The following SLC2A13 variants were observed in gnomAD, a reference collection of about 807,000 sequenced individuals.
SLC2A13 encodes proton myo-inositol cotransporter.
SLC2A13 carries 32 observed loss-of-function variants against 64.4 expected under a neutral mutation model. That is an observed-to-expected ratio of 0.50 (90% CI 0.37 to 0.67). The LOEUF is 0.67. Among genes scored for constraint, SLC2A13 ranks in the 30% least tolerant of loss-of-function variants. The pLI is 0.00. For synonymous variants in SLC2A13, 338 were observed against 327.1 expected (o/e 1.03, Z -0.36); for missense variants, 743 against 829.2 (o/e 0.90, Z 1.28).
At chr12:40,031,275 T>A (rs113776653) in intron 2 of SLC2A13, among the ~76,000 whole-genome samples, 6 of 152,020 alleles carry the variant, frequency 3.9e-5, no homozygotes, top group Non-Finnish European at 7.3e-5. Flanking sequence ...CAGGCCGGAG[T>A]GTAGTGGCGC....
intron 1 of SLC2A13, among the ~76,000 whole-genome samples, chr12:40,084,525 T>C (rs1400669384): frequency 1.3e-5 from 2 of 152,234 alleles, no homozygotes; most frequent in Admixed American, 6.5e-5. Flanking sequence ...GTCAGGTCAC[T>C]GGAAATGAAG....
At chr12:39,964,549 TC>T (rs1216033122) in intron 3 of SLC2A13, among the ~76,000 whole-genome samples, 6 of 152,214 alleles carry the variant, frequency 3.9e-5, no homozygotes, top group African/African-American at 9.6e-5. Context: ...AACCATATCT[TC>T]CATTTGTTTA....
At chr12:39,810,349 AAT>A (rs1237437814) in intron 7 of SLC2A13, among the ~76,000 whole-genome samples, 1 of 152,234 alleles carries the variant, frequency 6.6e-6, no homozygotes, top group Non-Finnish European at 1.5e-5. Context: ...ATAGAAATAA[AAT>A]ATATTTTTCT....
At chr12:40,063,289 A>G (rs1223583967) in intron 1 of SLC2A13, among the ~76,000 whole-genome samples, 3 of 152,154 alleles carry the variant, frequency 2.0e-5, no homozygotes, top group African/African-American at 7.2e-5. Context: ...AAGGATAGAC[A>G]GAAAAACCAG....
intron 1 of SLC2A13, among the ~76,000 whole-genome samples, chr12:40,090,738 G>T (rs1340526937): frequency 6.6e-6 from 1 of 152,086 alleles, no homozygotes; most frequent in Non-Finnish European, 1.5e-5. Flanking sequence ...CAACATTCAT[G>T]ATTTCCTTAA....
chr12:39,997,858 A>C (rs1947258335), intron 3 of SLC2A13, among the ~76,000 whole-genome samples: 1 of 152,158 alleles, frequency 6.6e-6, no homozygotes, highest in South Asian at 2.1e-4. Flanking sequence ...ATAATCAAAA[A>C]ATTAAAAAAT....
intron 4 of SLC2A13, among the ~76,000 whole-genome samples, chr12:39,909,419 A>G (rs1029560892): frequency 1.1e-4 from 16 of 152,172 alleles, no homozygotes; most frequent in African/African-American, 2.2e-4. Context: ...TCGCCATTCA[A>G]TTTTTCTGGA....
rs533024533 is a variant in SLC2A13, at chr12:39,842,826, G to C, written c.1320-12598C>G. ...CACGAATCTACTCTTTGTCTCTATG[G>C]ATTTGCTATTCTGGACATTTTATAT... On this transcript the variant is annotated intron_variant, in intron 6 of 9. Transcript: ENST00000280871. Among the ~76,000 whole-genome samples the C allele has an allele frequency of 2.0e-5, 3 of 151,940 alleles. No homozygotes were observed. The South Asian group carries it at 6.2e-4, about 32-fold the overall frequency.
chr12:40,042,794 T>C (rs1948109948), intron 2 of SLC2A13, among the ~76,000 whole-genome samples: 1 of 151,864 alleles, frequency 6.6e-6, no homozygotes, highest in African/African-American at 2.4e-5. Context: ...TAGTTGAATA[T>C]AATATGGTGA....
intron 4 of SLC2A13, among the ~76,000 whole-genome samples, chr12:39,896,321 T>C (rs1463159415): frequency 4.9e-5 from 4 of 82,186 alleles, no homozygotes; most frequent in East Asian, 1.0e-3. Flanking sequence ...TATATGTATG[T>C]ATATGTGTAT....
intron 1 of SLC2A13, among the ~76,000 whole-genome samples, chr12:40,055,887 C>G (rs1052271473): frequency 6.6e-6 from 1 of 151,464 alleles, no homozygotes; most frequent in African/African-American, 2.4e-5. Context: ...CCTACATAAG[C>G]TAGGCAGGTA....
chr12:39,854,817 G>A (rs1404626489), intron 6 of SLC2A13, among the ~76,000 whole-genome samples: 1 of 152,004 alleles, frequency 6.6e-6, no homozygotes, highest in Non-Finnish European at 1.5e-5. Flanking sequence ...TTTCTTGAAG[G>A]GCAAATCTGT....
At chr12:40,016,279 C>T (rs1477757090) in intron 3 of SLC2A13, among the ~76,000 whole-genome samples, 2 of 152,238 alleles carry the variant, frequency 1.3e-5, no homozygotes, top group Non-Finnish European at 2.9e-5. Context: ...AGAATTATTA[C>T]ATAAATGATG....
intron 7 of SLC2A13, among the ~76,000 whole-genome samples, chr12:39,822,900 C>T (rs578250791): frequency 6.6e-6 from 1 of 152,096 alleles, no homozygotes; most frequent in Non-Finnish European, 1.5e-5. Context: ...GTAAGAAATT[C>T]GATAAATTAA....
chr12:40,104,494 A>T (rs1234682959), intron 1 of SLC2A13, among the ~76,000 whole-genome samples: 1 of 152,218 alleles, frequency 6.6e-6, no homozygotes, highest in Non-Finnish European at 1.5e-5. Context: ...TAGCTCCTAA[A>T]TGAATTAAGG....
At chr12:40,101,239 A>T (rs995724103) in intron 1 of SLC2A13, among the ~76,000 whole-genome samples, 2 of 151,844 alleles carry the variant, frequency 1.3e-5, no homozygotes, top group African/African-American at 4.8e-5. Context: ...GGCACGCAGT[A>T]TTTTTTTTAC....
At chr12:40,036,425 A>G (rs552552104) in intron 2 of SLC2A13, among the ~76,000 whole-genome samples, 1 of 152,346 alleles carries the variant, frequency 6.6e-6, no homozygotes, top group Non-Finnish European at 1.5e-5. Context: ...CAATCAAGAA[A>G]GAGAACATTT....
intron 7 of SLC2A13, among the ~76,000 whole-genome samples, chr12:39,772,067 C>G (rs1410057497): frequency 6.6e-6 from 1 of 152,080 alleles, no homozygotes; most frequent in Non-Finnish European, 1.5e-5. Flanking sequence ...CCTCTCAACT[C>G]CTTTTCACTT....
At chr12:39,994,142 C>A (rs1947184965) in intron 3 of SLC2A13, among the ~76,000 whole-genome samples, 1 of 152,096 alleles carries the variant, frequency 6.6e-6, no homozygotes, top group Admixed American at 6.5e-5. Context: ...GTAATCCCAG[C>A]ACTTCGGGAG....
Sources: gnomAD v4.1 joint callset for allele counts (sites outside exome capture counted in the v4.1 genomes callset) on GRCh38, gnomAD v4.1.1 for gene constraint, MANE v1.5 for transcripts, NCBI Gene and HGNC (gene_info 2026-07-23, HGNC 2026-07-21) for gene names.